Variants in RIMBP2 observed in about 807,000 individuals in gnomAD.
RIMBP2 encodes the protein RIMS-binding protein 2.
Under a neutral mutation model 118.6 loss-of-function variants are expected in RIMBP2, and 48 were observed. That is an observed-to-expected ratio of 0.40 (90% CI 0.32 to 0.51). RIMBP2 has a LOEUF of 0.51. Ranked by LOEUF, RIMBP2 falls within the 20% of genes least tolerant of loss-of-function variation. The probability of loss-of-function intolerance (pLI) is 0.41; values close to 1 mark genes in which losing one functional copy is unlikely to be tolerated. For synonymous variants in RIMBP2, 762 were observed against 742.9 expected (o/e 1.03, Z -0.42); for missense variants, 1,551 against 1,768.3 (o/e 0.88, Z 2.20).
chr12:130,414,265 C>G lies in RIMBP2; in HGVS notation c.3280G>C (p.Glu1094Gln). 1 of 1,611,274 alleles carries G rather than the reference C, an allele frequency of 6.2e-7. No individual in the cohort carries two copies. The highest frequency in any genetic ancestry group is 1.1e-5 in the South Asian group (1 of 90,792). ...TCGGCACCAGGGTCAGTTTCTGACTCTTCATAGAAGTCTGGAGAAAGGCGG... is the reference window on the plus strand; with the variant it reads ...TCGGCACCAGGGTCAGTTTCTGACTGTTCATAGAAGTCTGGAGAAAGGCGG... ...RDRLSPDFYE[E>Q]SETDPGAEEL... Residue 1094 changes from glutamate (E) to glutamine (Q), a missense_variant, in exon 18 of 23, where the codon GAG (glutamate) becomes CAG (glutamine). Coordinates refer to ENST00000690449, the MANE Select transcript of RIMBP2 (RefSeq NM_001393629.1).
At chr12:130,520,745 T>A (rs1057173815) in intron 2 of RIMBP2, among the ~76,000 whole-genome samples, 1 of 149,534 alleles carries the variant, frequency 6.7e-6, no homozygotes, top group African/African-American at 2.5e-5. Flanking sequence ...ACCTCACACT[T>A]CAAGAATCAC....
intron 17 of RIMBP2, among the ~76,000 whole-genome samples, chr12:130,417,148 C>T (rs529958033): frequency 3.0e-4 from 46 of 152,140 alleles, no homozygotes; most frequent in Non-Finnish European, 3.2e-4. Flanking sequence ...TTGGAGGGAA[C>T]GGAAATTAGT....
intron 2 of RIMBP2, among the ~76,000 whole-genome samples, chr12:130,592,781 G>A (rs1438543697): frequency 6.6e-6 from 1 of 152,152 alleles, no homozygotes; most frequent in African/African-American, 2.4e-5. Context: ...CTGCATTTGT[G>A]AGAAGAGCGT....
intron 1 of RIMBP2, among the ~76,000 whole-genome samples, chr12:130,702,563 G>GGAAA (rs2136782162): frequency 1.2e-5 from 1 of 85,090 alleles, no homozygotes; most frequent in East Asian, 4.8e-4. Flanking sequence ...AAGGAAGGAA[G>GGAAA]GAAGGAAGGA....
rs1335019616 is a variant in RIMBP2, at chr12:130,511,478, A to G, written c.-126-4708T>C. Among the ~76,000 whole-genome samples, 6 of 152,206 alleles carry G rather than the reference A, an allele frequency of 3.9e-5. No homozygotes were observed. On this transcript the variant is annotated intron_variant, in intron 3 of 22. Transcript: ENST00000690449. This position sits in a 1 kb window ranked among gnomAD's most constrained non-coding sequence, Gnocchi z 4.3. ...CTGTCCCTGGAAAGCCCTAAGCCCCAGTGAGCTGGGTCCCACCCCTCCCTA... is the reference window on the plus strand; with the variant it reads ...CTGTCCCTGGAAAGCCCTAAGCCCCGGTGAGCTGGGTCCCACCCCTCCCTA...
chr12:130,508,651 C>T (rs770948725), intron 3 of RIMBP2, among the ~76,000 whole-genome samples: 26 of 152,208 alleles, frequency 1.7e-4, no homozygotes, highest in Non-Finnish European at 3.2e-4. Flanking sequence ...TTGGTGTCCA[C>T]GTGTGCTCAG....
rs2081315973 is a variant in RIMBP2 at position 130,475,032 on chromosome 12, C to T, written c.102+3880G>A. On this transcript the variant is annotated intron_variant, in intron 5 of 22. Transcript: ENST00000690449. This position sits in a 1 kb window ranked among gnomAD's most constrained non-coding sequence, Gnocchi z 4.1. The stretch of plus-strand genomic sequence containing the variant: ...GTCTCCCGGGAGAGCCTGAGGTTAC[C>T]AGCAGACAGCGTGGGTCCTGGCTTG... 6.6e-6 allele frequency among the ~76,000 whole-genome samples: 1 copy of T among 152,166 alleles called. No individual in the cohort carries two copies. The highest frequency in any genetic ancestry group is 1.5e-5 in the Non-Finnish European group (1 of 68,032).
chr12:130,507,128 T>C (rs937458039), intron 3 of RIMBP2, among the ~76,000 whole-genome samples: 1 of 152,190 alleles, frequency 6.6e-6, no homozygotes, highest in Non-Finnish European at 1.5e-5. Context: ...AATGAGATCT[T>C]GCACTTGTAT....
intron 15 of RIMBP2, chr12:130,426,319 G>GC (rs2076788929): frequency 6.9e-6 from 1 of 145,260 alleles, no homozygotes; most frequent in Admixed American, 7.0e-5. Context: ...TCACTCTATT[G>GC]CCCAGTCTGG....
chr12:130,405,634 G>A (rs2075095466), intron 21 of RIMBP2, among the ~76,000 whole-genome samples: 1 of 151,438 alleles, frequency 6.6e-6, no homozygotes, highest in Non-Finnish European at 1.5e-5. Context: ...AGGAGGGAGG[G>A]TGGCTCTGAG....
intron 2 of RIMBP2, among the ~76,000 whole-genome samples, chr12:130,597,398 C>T (rs2059622526): frequency 6.6e-6 from 1 of 152,194 alleles, no homozygotes; most frequent in South Asian, 2.1e-4. Context: ...CACATGCCAC[C>T]ACACCCAGCT....
chr12:130,602,749 A>G (rs1372491976), intron 2 of RIMBP2, among the ~76,000 whole-genome samples: 1 of 152,248 alleles, frequency 6.6e-6, no homozygotes, highest in African/African-American at 2.4e-5. Flanking sequence ...GTTGCACCAT[A>G]TTGTAATCAA....
At chr12:130,684,277 C>A (rs188813559) in intron 1 of RIMBP2, among the ~76,000 whole-genome samples, 1 of 152,090 alleles carries the variant, frequency 6.6e-6, no homozygotes, top group African/African-American at 2.4e-5. Context: ...ACCAAATCAA[C>A]GTACATCTTA....
chr12:130,457,565 G>A (rs1176654728), intron 6 of RIMBP2, among the ~76,000 whole-genome samples: 1 of 152,214 alleles, frequency 6.6e-6, no homozygotes, highest in Non-Finnish European at 1.5e-5. Flanking sequence ...ACCCATCACA[G>A]AAGGTGCAGG....
At chr12:130,607,342 T>C (rs1207823589) in intron 2 of RIMBP2, among the ~76,000 whole-genome samples, 1 of 152,150 alleles carries the variant, frequency 6.6e-6, no homozygotes, top group Non-Finnish European at 1.5e-5. Context: ...GCCCTACCCA[T>C]GACCGCATCT....
At chr12:130,582,840 T>C (rs909151488) in intron 2 of RIMBP2, among the ~76,000 whole-genome samples, 4 of 152,198 alleles carry the variant, frequency 2.6e-5, no homozygotes, top group Non-Finnish European at 5.9e-5. Context: ...GTCTAGTTCA[T>C]TCATTCCAAC....
intron 2 of RIMBP2, among the ~76,000 whole-genome samples, chr12:130,589,237 C>G (rs1458975196): frequency 6.6e-6 from 1 of 152,198 alleles, no homozygotes; most frequent in Admixed American, 6.5e-5. Context: ...GCTCTTTCAT[C>G]AAAAGATTCT....
At position 130,424,281 on chromosome 12, in the gene RIMBP2, G is replaced by A; in HGVS notation, c.2990C>T (p.Pro997Leu). ...DDPQPGPERPPPRKHGWGEPT... is the reference protein window; with the variant it reads ...DDPQPGPERPLPRKHGWGEPT... ...CTCGCCCCAGCCGTGCTTCCTGGGGGGCGGCCTCTCCGGGCCGGGCTGGGG... is the reference window on the plus strand; with the variant it reads ...CTCGCCCCAGCCGTGCTTCCTGGGGAGCGGCCTCTCCGGGCCGGGCTGGGG... Residue 997 changes from proline (P) to leucine (L), a missense_variant, in exon 16 of 23, where the codon CCC becomes CTC. Around this residue, in one of 5 missense-constraint regions of RIMBP2, gnomAD observed 1,038 missense variants for 1,125.1 expected, o/e 0.92. Coordinates refer to ENST00000690449, the MANE Select transcript of RIMBP2 (RefSeq NM_001393629.1). The surrounding 1 kb of genome is among the most constrained non-coding windows in gnomAD (Gnocchi z 9.8). The A allele has an allele frequency of 7.3e-6, 9 of 1,231,888 alleles. No homozygotes were observed. The highest frequency in any genetic ancestry group is 9.1e-6 in the Non-Finnish European group (9 of 987,906). 76.3% of individuals were successfully genotyped at this position (1,231,888 alleles called of 1,614,324 possible).
Position 130,412,529 on chromosome 12 carries a change from G to C in RIMBP2, c.3589+90C>G, listed in dbSNP as rs1467816970. On this transcript the variant is annotated intron_variant, in intron 19 of 22. Coordinates refer to ENST00000690449, the MANE Select transcript of RIMBP2 (RefSeq NM_001393629.1). Reference sequence around the variant, plus strand: ...TGGCATATTTAAATGATGCAATTTGGGGTCTCCTCATCACCGCCTGCCTCT... The same window carrying C: ...TGGCATATTTAAATGATGCAATTTGCGGTCTCCTCATCACCGCCTGCCTCT... The C allele has an allele frequency of 9.4e-6, 11 of 1,168,886 alleles. No homozygotes were observed. The Admixed American group carries it at 2.0e-4, about 21-fold the overall frequency. 72.4% of individuals were successfully genotyped at this position (1,168,886 alleles called of 1,614,324 possible). A position where few individuals can be genotyped will look rare whatever the true frequency, so the allele number is the denominator to read the frequency against.
Sources: gnomAD v4.1 joint callset for allele counts (sites outside exome capture counted in the v4.1 genomes callset) on GRCh38, gnomAD v4.1.1 for gene constraint, gnomAD v4.1.1 regional missense constraint, Gnocchi (gnomAD v3.1) non-coding constraint, MANE v1.5 for transcripts, NCBI Gene and HGNC (gene_info 2026-07-23, HGNC 2026-07-21) for gene names.